The following BANP variants were observed in gnomAD, a reference collection of about 807,000 sequenced individuals.
BANP encodes the protein protein BANP.
A neutral mutation model predicts 68.1 loss-of-function variants in BANP; 11 were observed. The observed-to-expected ratio is 0.16, with a 90% confidence interval of 0.10 to 0.27. The LOEUF is 0.27. Among genes scored for constraint, BANP ranks in the 10% least tolerant of loss-of-function variants. The probability of loss-of-function intolerance (pLI) is 1.00; values close to 1 mark genes in which losing one functional copy is unlikely to be tolerated. For synonymous variants in BANP, 329 were observed against 303.2 expected (o/e 1.09, Z -0.88); for missense variants, 504 against 722.7 (o/e 0.70, Z 3.47).
chr16:88,038,035 C>T, intron 11 of BANP, 24 bp downstream of exon 11: 1 of 1,611,868 alleles, frequency 6.2e-7, no homozygotes, highest in Non-Finnish European at 8.5e-7. Flanking sequence ...TCCCCATGCA[C>T]ATGCGGGCGT....
At chr16:88,026,569 A>G (rs528006303) in intron 7 of BANP, among the ~76,000 whole-genome samples, 3 of 151,228 alleles carry the variant, frequency 2.0e-5, no homozygotes, top group Admixed American at 1.3e-4. Flanking sequence ...GGGGAACAGA[A>G]TAACAATACA....
At chr16:87,973,457 C>T (rs888473676) in intron 1 of BANP, among the ~76,000 whole-genome samples, 5 of 152,180 alleles carry the variant, frequency 3.3e-5, no homozygotes, top group African/African-American at 1.2e-4. Flanking sequence ...AAATTGTTAT[C>T]CCCAAGAAAT....
chr16:87,972,548 G>A (rs2061323157), intron 1 of BANP, among the ~76,000 whole-genome samples: 1 of 151,830 alleles, frequency 6.6e-6, no homozygotes, highest in Middle Eastern at 3.4e-3. Flanking sequence ...CATGATATTT[G>A]GCCTCAGTAG....
At chr16:88,051,961 C>T (rs984868912) in intron 11 of BANP, among the ~76,000 whole-genome samples, 1 of 152,170 alleles carries the variant, frequency 6.6e-6, no homozygotes, top group Admixed American at 6.5e-5. Context: ...CATTTCCTCA[C>T]ATGACCAAGA....
Position 88,044,118 on chromosome 16 carries a change from G to A in BANP, c.1311+6107G>A, listed in dbSNP as rs147892311. ...TTGCTGCCGTGGGTACCCTGAGCCA[G>A]TGCTGTGTGACCTGGGCAGACTCCC... On this transcript the variant is annotated intron_variant, in intron 11 of 13. Coordinates refer to ENST00000682872, the MANE Select transcript of BANP (RefSeq NM_001386991.1). Among the ~76,000 whole-genome samples, 549 of 152,376 alleles carry A rather than the reference G, an allele frequency of 3.6e-3. 2 individuals are homozygous for A. The highest frequency in any genetic ancestry group is 0.011 in the African/African-American group (478 of 41,596).
chr16:87,986,157 G>A (rs1037357758), intron 4 of BANP, among the ~76,000 whole-genome samples: 4 of 152,144 alleles, frequency 2.6e-5, no homozygotes, highest in East Asian at 3.9e-4. Context: ...AAGCACCCCT[G>A]GGCACCTGCA....
At chr16:88,070,780 A>G (rs1233653515) in intron 12 of BANP, among the ~76,000 whole-genome samples, 3 of 152,228 alleles carry the variant, frequency 2.0e-5, no homozygotes, top group Admixed American at 6.5e-5. Flanking sequence ...GTCATTAAAA[A>G]TCATTTAAAA....
intron 11 of BANP, among the ~76,000 whole-genome samples, chr16:88,061,086 C>T (rs533354572): frequency 2.6e-5 from 4 of 152,286 alleles, no homozygotes; most frequent in Admixed American, 6.5e-5. Flanking sequence ...TCCCTTCCTT[C>T]GAGTTTTTAG....
rs150632966 is a variant in BANP at position 88,009,930 on chromosome 16, T to A, written c.655+3665T>A. On this transcript the variant is annotated intron_variant, in intron 6 of 13. Transcript: ENST00000682872. ...CCTGACTGTTGAAAGCATGGAACAGTAGACTGTGTCTCATTGGAATAAGAA... is the reference window on the plus strand; with the variant it reads ...CCTGACTGTTGAAAGCATGGAACAGAAGACTGTGTCTCATTGGAATAAGAA... Among the ~76,000 whole-genome samples the A allele has an allele frequency of 6.5e-3, 991 of 152,278 alleles. 11 individuals are homozygous for A. Among genetic ancestry groups the A allele is most frequent in the African/African-American group, 0.022 (927 of 41,548 alleles).
At chr16:88,032,542 T>A (rs1339862289) in intron 8 of BANP, among the ~76,000 whole-genome samples, 1 of 152,258 alleles carries the variant, frequency 6.6e-6, no homozygotes, top group East Asian at 1.9e-4. Context: ...TTAGTCATTA[T>A]AATTCTCTGC....
chr16:88,006,307 ATTGT>A (rs955910629), intron 6 of BANP, 42 bp downstream of exon 6: 60 of 1,536,280 alleles, frequency 3.9e-5, no homozygotes, highest in Middle Eastern at 1.8e-4. Flanking sequence ...CGCCAGTACA[ATTGT>A]TTGTTTGTTT....
chr16:87,979,607 C>T (rs1174491093), intron 2 of BANP, among the ~76,000 whole-genome samples: 1 of 152,130 alleles, frequency 6.6e-6, no homozygotes, highest in Non-Finnish European at 1.5e-5. Context: ...GGTCATCCTG[C>T]TTGGCTGTGG....
At chr16:88,042,388 C>T (rs935728578) in intron 11 of BANP, among the ~76,000 whole-genome samples, 6 of 152,236 alleles carry the variant, frequency 3.9e-5, no homozygotes, top group Non-Finnish European at 8.8e-5. Flanking sequence ...TGTGTCTCAG[C>T]CTCCCCTCCA....
chr16:88,006,046 C>T lies in BANP; in HGVS notation c.480-44C>T, dbSNP rs142706336. On this transcript the variant is annotated intron_variant, in intron 5 of 13. Transcript: ENST00000682872. ...AGCGCTGACCTTCGCGTGCTGCTTG[C>T]GGCTCTTACCACATCGGGCTGGTGT... 4.2e-3 allele frequency: 6,791 copies of T among 1,612,120 alleles called. 23 individuals carry two copies. The highest frequency in any genetic ancestry group is 4.8e-3 in the Non-Finnish European group (5,609 of 1,179,332).
chr16:87,961,093 G>A (rs997842909), intron 1 of BANP, among the ~76,000 whole-genome samples: 1 of 152,188 alleles, frequency 6.6e-6, no homozygotes, highest in Admixed American at 6.5e-5. Context: ...TCACGCCTGG[G>A]TAAAAGATCC....
Position 88,076,728 on chromosome 16 carries a change from T to C in BANP, c.*67T>C, listed in dbSNP as rs995830140. On this transcript the variant is annotated 3_prime_UTR_variant, in exon 14 of 14. Transcript: ENST00000682872. ...ACGGCCCGGCCCCCACGCGCCCTGC[T>C]CTCACGGCCTCGGCACAGGCAGCGG... is the stretch of plus-strand genomic sequence containing the variant. 18 of 1,339,640 alleles carry C rather than the reference T, an allele frequency of 1.3e-5. No individual in the cohort carries two copies. The African/African-American group carries it at 2.3e-4, about 17-fold the overall frequency. 83.0% of individuals were successfully genotyped at this position (1,339,640 alleles called of 1,614,324 possible).
intron 11 of BANP, among the ~76,000 whole-genome samples, chr16:88,065,008 G>T (rs1266225557): frequency 1.3e-5 from 2 of 152,266 alleles, no homozygotes; most frequent in African/African-American, 2.4e-5. Flanking sequence ...TCTCCCTGCA[G>T]CTGCCAGCCC....
At chr16:87,992,719 A>G (rs2066175328) in intron 4 of BANP, among the ~76,000 whole-genome samples, 1 of 151,490 alleles carries the variant, frequency 6.6e-6, no homozygotes, top group Admixed American at 6.6e-5. Flanking sequence ...ACTTGAACCT[A>G]GGAGGCGGAG....
rs2085282739 is a variant in BANP, at chr16:88,057,182, G to A, written c.1312-8085G>A. 6.6e-6 allele frequency among the ~76,000 whole-genome samples: 1 copy of A among 152,092 alleles called. No homozygotes were observed. The highest frequency in any genetic ancestry group is 2.1e-4 in the South Asian group (1 of 4,814). ...TGGTGGGCGGGCCTGCCGTGTTGTG[G>A]TGGGGAGCGACTTCACACAGCTGGC... On this transcript the variant is annotated intron_variant, in intron 11 of 13. Transcript: ENST00000682872. This position sits in a 1 kb window ranked among gnomAD's most constrained non-coding sequence, Gnocchi z 4.6.
Sources: allele counts gnomAD v4.1 joint callset (sites outside exome capture counted in the v4.1 genomes callset), GRCh38; gene constraint gnomAD v4.1.1; non-coding constraint Gnocchi (gnomAD v3.1); transcripts MANE v1.5; gene names NCBI Gene and HGNC (gene_info 2026-07-23, HGNC 2026-07-21).